The following QKI variants were observed in gnomAD, a reference collection of about 807,000 sequenced individuals.
QKI encodes the protein KH domain-containing RNA-binding protein QKI.
In QKI, 10 loss-of-function variants were observed where a neutral mutation model predicts 39.0. The observed-to-expected ratio is 0.26, with a 90% CI of 0.16 to 0.43. QKI has a LOEUF of 0.43. QKI is among the 20% of genes least tolerant of loss of function. QKI has a pLI of 1.00. For missense variants in QKI, 218 were observed against 428.0 expected, an observed-to-expected ratio of 0.51 and a Z score of 4.33; for synonymous variants, 204 against 155.4, an observed-to-expected ratio of 1.31 and a Z score of -2.33.
intron 3 of QKI, among the ~76,000 whole-genome samples, chr6:163,483,610 C>G (rs949736641): frequency 2.6e-5 from 4 of 152,174 alleles, no homozygotes; most frequent in Non-Finnish European, 5.9e-5. Context: ...TTTGATCATG[C>G]AGTTGCAGCA....
chr6:163,530,827 C>T (rs915334051), intron 3 of QKI, among the ~76,000 whole-genome samples: 2 of 152,148 alleles, frequency 1.3e-5, no homozygotes, highest in Non-Finnish European at 2.9e-5. Flanking sequence ...GTGTCCGCTT[C>T]ATTTATTCCT....
intron 1 of QKI, among the ~76,000 whole-genome samples, chr6:163,432,595 C>T (rs1788928334): frequency 6.6e-6 from 1 of 151,980 alleles, no homozygotes; most frequent in Admixed American, 6.6e-5. Context: ...GAGACAGGGT[C>T]TCACGATATT....
At chr6:163,436,991 A>G (rs1179362257) in intron 1 of QKI, among the ~76,000 whole-genome samples, 2 of 152,120 alleles carry the variant, frequency 1.3e-5, no homozygotes, top group East Asian at 1.9e-4. Context: ...CCATCTCTCA[A>G]TTTCCATGGA....
At chr6:163,473,531 G>A (rs1211011154) in intron 2 of QKI, among the ~76,000 whole-genome samples, 1 of 152,032 alleles carries the variant, frequency 6.6e-6, no homozygotes, top group Non-Finnish European at 1.5e-5. Context: ...GAAGATACAG[G>A]TAACCAGTCA....
chr6:163,431,991 C>T (rs897302987), intron 1 of QKI, among the ~76,000 whole-genome samples: 1 of 152,224 alleles, frequency 6.6e-6, no homozygotes, highest in African/African-American at 2.4e-5. Context: ...CATGTTAGAT[C>T]ATTTGGCTCT....
intron 1 of QKI, among the ~76,000 whole-genome samples, chr6:163,432,487 G>A (rs909120309): frequency 6.6e-6 from 1 of 151,198 alleles, no homozygotes; most frequent in Non-Finnish European, 1.5e-5. Flanking sequence ...TCTAACTCCT[G>A]GGCTCAAGCG....
chr6:163,416,420 T>C (rs1037756176), intron 1 of QKI: 2 of 158,036 alleles, frequency 1.3e-5, no homozygotes, highest in African/African-American at 5.0e-5. Flanking sequence ...GCCAGGAGTT[T>C]GTTTGTTTTT....
At chr6:163,474,351 T>C (rs374645347) in intron 2 of QKI, among the ~76,000 whole-genome samples, 17 of 152,142 alleles carry the variant, frequency 1.1e-4, no homozygotes, top group African/African-American at 4.1e-4. Flanking sequence ...AATAAAAATA[T>C]ATGATAGGAA....
chr6:163,552,977 C>T (rs372802641), intron 4 of QKI, among the ~76,000 whole-genome samples: 31 of 151,670 alleles, frequency 2.0e-4, no homozygotes, highest in African/African-American at 7.2e-4. Flanking sequence ...GTATACTTTT[C>T]TTAGTTTTTG....
At chr6:163,567,909 A>G (rs1783464211) in intron 7 of QKI, 1 of 985,464 alleles carries the variant, frequency 1.0e-6, no homozygotes, top group Admixed American at 6.2e-5. Flanking sequence ...GATAAATACT[A>G]GACACAGCTG....
chr6:163,501,489 T>C (rs1344972204), intron 3 of QKI, among the ~76,000 whole-genome samples: 2 of 152,200 alleles, frequency 1.3e-5, no homozygotes, highest in African/African-American at 4.8e-5. Flanking sequence ...CTTGAAACTC[T>C]AAAATGAAAG....
intron 1 of QKI, among the ~76,000 whole-genome samples, chr6:163,443,382 A>G (rs916187920): frequency 6.6e-6 from 1 of 152,238 alleles, no homozygotes; most frequent in Non-Finnish European, 1.5e-5. Flanking sequence ...CAGCCTGGCC[A>G]AGATGGTGAA....
At chr6:163,421,990 G>A (rs1289288349) in intron 1 of QKI, among the ~76,000 whole-genome samples, 1 of 151,472 alleles carries the variant, frequency 6.6e-6, no homozygotes, top group Admixed American at 6.6e-5. Context: ...TGATCTGACC[G>A]CCTCGGCTCT....
intron 4 of QKI, among the ~76,000 whole-genome samples, chr6:163,543,530 A>AT (rs1480957059): frequency 1.3e-5 from 2 of 152,066 alleles, no homozygotes; most frequent in African/African-American, 4.8e-5. Flanking sequence ...AAAGGATTGA[A>AT]TTTGGGACTG....
At chr6:163,480,253 GTC>G (rs1158709834) in intron 3 of QKI, among the ~76,000 whole-genome samples, 21 of 151,948 alleles carry the variant, frequency 1.4e-4, no homozygotes, top group African/African-American at 5.1e-4. Context: ...CTGTCTGTCT[GTC>G]TCTTTCTCTC....
At chr6:163,491,801 C>G (rs941219748) in intron 3 of QKI, among the ~76,000 whole-genome samples, 2 of 152,014 alleles carry the variant, frequency 1.3e-5, no homozygotes, top group African/African-American at 4.8e-5. Context: ...AAAAGATGGA[C>G]CCAATAAGAA....
At chr6:163,517,906 G>T (rs1163270691) in intron 3 of QKI, among the ~76,000 whole-genome samples, 1 of 152,124 alleles carries the variant, frequency 6.6e-6, no homozygotes, top group Non-Finnish European at 1.5e-5. Context: ...TTTCTAGAAG[G>T]TTAAGGTAAA....
intron 2 of QKI, among the ~76,000 whole-genome samples, chr6:163,456,355 G>T (rs1790911061): frequency 6.6e-6 from 1 of 151,892 alleles, no homozygotes; most frequent in Non-Finnish European, 1.5e-5. Flanking sequence ...TAAGAACCTT[G>T]TCTTTGTTAT....
chr6:163,494,766 A>G (rs1371450199), intron 3 of QKI, among the ~76,000 whole-genome samples: 1 of 151,904 alleles, frequency 6.6e-6, no homozygotes, highest in African/African-American at 2.4e-5. Context: ...GGTGGTGTCT[A>G]GGATTTAGGA....
Sources: allele counts gnomAD v4.1 joint callset (sites outside exome capture counted in the v4.1 genomes callset), GRCh38; gene constraint gnomAD v4.1.1; transcripts MANE v1.5; gene names NCBI Gene and HGNC (gene_info 2026-07-23, HGNC 2026-07-21).